EIF1AY: variants seen among roughly 807,000 people sequenced by gnomAD.
The protein encoded by EIF1AY is eukaryotic translation initiation factor 1A, Y-chromosomal.
For missense variants in EIF1AY, 19 were observed against 30.6 expected (o/e 0.62, Z 0.89); for synonymous variants, 16 against 9.9 (o/e 1.62, Z -1.16).
At chrY:20,585,448 A>G (rs2124357318) in intron 4 of EIF1AY, among the ~76,000 whole-genome samples, 1 of 33,925 alleles carries the variant, frequency 2.9e-5, no homozygotes, top group Non-Finnish European at 7.4e-5. Flanking sequence ...ATTCATCACC[A>G]TTGTTTAACC....
At chrY:20,577,814 G>A (rs2089347720) in intron 1 of EIF1AY, among the ~76,000 whole-genome samples, 2 of 15,475 alleles carry the variant, frequency 1.3e-4, no homozygotes, top group Admixed American at 1.5e-3. Flanking sequence ...CTAGGCGACT[G>A]AGCAAGACTA....
chrY:20,583,330 G>A, intron 3 of EIF1AY, among the ~76,000 whole-genome samples: 3 of 30,625 alleles, frequency 9.8e-5, no homozygotes, highest in Non-Finnish European at 2.3e-4. Context: ...GCTAAAAATT[G>A]TGCTAATGCT....
chrY:20,582,741 C>A, intron 3 of EIF1AY, 48 bp downstream of exon 3: 1 of 255,728 alleles, frequency 3.9e-6, no homozygotes, highest in Non-Finnish European at 6.1e-6. Flanking sequence ...CAAAAAATGT[C>A]TCTGCTTTAA....
chrY:20,590,568 A>T, intron 6 of EIF1AY, among the ~76,000 whole-genome samples: 1 of 29,622 alleles, frequency 3.4e-5, no homozygotes, highest in Non-Finnish European at 8.0e-5. Flanking sequence ...CAGGAGACAG[A>T]GGTTGCAGTG....
chrY:20,589,556 A>T lies in EIF1AY; in HGVS notation c.410A>T (p.Asp137Val). ...ATCCAGTTTGACGATATTGGAGATG[A>T]TGATGAAGACATTGATGATGTAAGT... ...DEIQFDDIGD[D>V]DEDIDDI is the part of the protein sequence containing the mutation. Residue 137 changes from aspartate to valine, a missense_variant, in exon 6 of 7, where the codon GAT (aspartate) becomes GTT (valine). Coordinates refer to ENST00000361365, the MANE Select transcript of EIF1AY (RefSeq NM_004681.4). The T allele has an allele frequency of 2.8e-6, 1 of 362,400 alleles. No homozygotes were observed. Among genetic ancestry groups the T allele is most frequent in the Non-Finnish European group, 4.0e-6 (1 of 250,198 alleles). The allele number at this position is 362,400 out of a possible 400,897, so 90.4% of individuals were successfully genotyped here.
chrY:20,585,902 G>A, intron 4 of EIF1AY, among the ~76,000 whole-genome samples: 1 of 28,748 alleles, frequency 3.5e-5, no homozygotes, highest in Non-Finnish European at 8.2e-5. Flanking sequence ...GCTGCCTCTC[G>A]GGGCTGTTGT....
chrY:20,588,308 C>T, intron 5 of EIF1AY: 3 of 69,731 alleles, frequency 4.3e-5, no homozygotes, highest in South Asian at 2.2e-4. Context: ...CTAATAAAAA[C>T]GTTATGAACT....
chrY:20,583,185 A>G (rs2089352151), intron 3 of EIF1AY, among the ~76,000 whole-genome samples: 1 of 33,067 alleles, frequency 3.0e-5, no homozygotes, highest in East Asian at 7.8e-4. Flanking sequence ...ACTGATTAAA[A>G]GTCTCTACTA....
At chrY:20,580,836 G>T in intron 2 of EIF1AY, among the ~76,000 whole-genome samples, 1 of 33,635 alleles carries the variant, frequency 3.0e-5, no homozygotes, top group Admixed American at 2.7e-4. Context: ...TTTATACCAT[G>T]CTGTTACAAA....
chrY:20,575,958 G>T, intron 1 of EIF1AY, 71 bp downstream of exon 1: 1 of 304,496 alleles, frequency 3.3e-6, no homozygotes, highest in Non-Finnish European at 4.9e-6. Flanking sequence ...GTTCCAGGCC[G>T]CAGTGACTGT....
At chrY:20,582,757 T>A in intron 3 of EIF1AY, 64 bp downstream of exon 3, 2 of 190,053 alleles carry the variant, frequency 1.1e-5, no homozygotes, top group East Asian at 1.2e-4. Context: ...TTTAAATACA[T>A]GGTCCAAGCA....
chrY:20,581,741 G>T, intron 2 of EIF1AY, among the ~76,000 whole-genome samples: 1 of 32,920 alleles, frequency 3.0e-5, no homozygotes. Flanking sequence ...CTGAGTTTAG[G>T]GATAGTGAAG....
chrY:20,581,418 G>A (rs2089350600), intron 2 of EIF1AY, among the ~76,000 whole-genome samples: 1 of 31,720 alleles, frequency 3.2e-5, no homozygotes, highest in Admixed American at 2.9e-4. Flanking sequence ...GGCAATGTCC[G>A]TCTCCTGGAC....
intron 2 of EIF1AY, 40 bp downstream of exon 2, chrY:20,579,731 T>G (rs746455327): frequency 8.9e-6 from 2 of 225,059 alleles, no homozygotes; most frequent in Non-Finnish European, 1.4e-5. Flanking sequence ...TTAATATGTT[T>G]TGTTGTTGCT....
intron 4 of EIF1AY, among the ~76,000 whole-genome samples, chrY:20,586,136 C>G: frequency 1.5e-4 from 5 of 32,981 alleles, no homozygotes; most frequent in Non-Finnish European, 3.0e-4. Context: ...TGTGCAGGAT[C>G]TCAAGTTCAG....
intron 4 of EIF1AY, chrY:20,586,718 T>C (rs2089354696): frequency 2.9e-5 from 1 of 33,980 alleles, no homozygotes; most frequent in Non-Finnish European, 7.3e-5. Context: ...TCTTATTTCT[T>C]TTCTGAAGGA....
chrY:20,588,626 G>A (rs2089356531), intron 5 of EIF1AY: 2 of 33,701 alleles, frequency 5.9e-5, no homozygotes, highest in Admixed American at 2.7e-4. Context: ...ACTTACTGCC[G>A]AAAGCTTGAC....
intron 6 of EIF1AY, 108 bp from the exon 7 acceptor site, chrY:20,592,233 A>G: frequency 7.2e-6 from 1 of 138,393 alleles, no homozygotes; most frequent in South Asian, 9.9e-5. Flanking sequence ...CAGAATACTC[A>G]GTTCAAAACG....
chrY:20,582,513 A>G, intron 2 of EIF1AY, 77 bp from the exon 3 acceptor site: 1 of 251,438 alleles, frequency 4.0e-6, no homozygotes, highest in Non-Finnish European at 6.5e-6. Flanking sequence ...GCCTGGCCCA[A>G]TAGCTAAATT....
Sources: allele counts gnomAD v4.1 joint callset (sites outside exome capture counted in the v4.1 genomes callset), GRCh38; gene constraint gnomAD v4.1.1; transcripts MANE v1.5; gene names NCBI Gene and HGNC (gene_info 2026-07-23, HGNC 2026-07-21).